PRKRIP1: variants seen among roughly 807,000 people sequenced by gnomAD.
PRKRIP1 encodes the protein PRKR interacting protein 1.
In PRKRIP1, 29 loss-of-function variants were observed where a neutral mutation model predicts 29.3. The ratio of observed to expected loss-of-function variants is 0.99; its 90% CI spans 0.74 to 1.35. PRKRIP1 has a LOEUF of 1.35. Among genes scored for constraint, PRKRIP1 ranks in the 40% most tolerant of loss-of-function variants. PRKRIP1 has a pLI of 0.00. For synonymous variants in PRKRIP1, 90 were observed against 85.1 expected (o/e 1.06, Z -0.32); for missense variants, 247 against 236.8 (o/e 1.04, Z -0.28).
chr7:102,398,388 G>A (rs59200375), intron 2 of PRKRIP1, among the ~76,000 whole-genome samples: 1 of 151,954 alleles, frequency 6.6e-6, no homozygotes, highest in South Asian at 2.1e-4. Context: ...GGGTTCAAGC[G>A]ATTCTCCTGC....
At chr7:102,419,845 T>TGTG (rs1796645239) in intron 5 of PRKRIP1, among the ~76,000 whole-genome samples, 5 of 142,820 alleles carry the variant, frequency 3.5e-5, no homozygotes, top group African/African-American at 1.4e-4. Flanking sequence ...TTTTGTGTTT[T>TGTG]TGTGTGTGTG....
rs1796608092 is a variant in PRKRIP1, at chr7:102,418,339, C to A, written c.458-6675C>A. Among the ~76,000 whole-genome samples, 7 of 152,220 alleles carry A rather than the reference C, an allele frequency of 4.6e-5. No homozygotes were observed. The South Asian group carries it at 1.5e-3, about 32-fold the overall frequency. On this transcript the variant is annotated intron_variant, in intron 5 of 5. Coordinates refer to ENST00000397912, the MANE Select transcript of PRKRIP1 (RefSeq NM_024653.4). ...TGCTGGGATTATAGGCGTGAGCCAC[C>A]ATGCCTGGTCCCTGGCTGCTTTTAG...
chr7:102,421,851 G>A (rs962149999), intron 5 of PRKRIP1, among the ~76,000 whole-genome samples: 2 of 151,902 alleles, frequency 1.3e-5, no homozygotes, highest in Non-Finnish European at 2.9e-5. Context: ...CATAGTAGGT[G>A]GGGATTGAAA....
chr7:102,407,529 CTTCT>C (rs1554572021), intron 5 of PRKRIP1, 31 bp downstream of exon 5: 20 of 1,514,448 alleles, frequency 1.3e-5, no homozygotes, highest in Non-Finnish European at 1.7e-5. Context: ...TTGGCTGTAG[CTTCT>C]TTCTTCTTGT....
At chr7:102,422,925 CG>C (rs1796734141) in intron 5 of PRKRIP1, 15 of 13,100 alleles carry the variant, frequency 1.1e-3, no homozygotes, top group Non-Finnish European at 3.4e-3. Context: ...TGGAAACATC[CG>C]AAACATCCGA....
chr7:102,422,152 T>TATTATTATA (rs1367752474), intron 5 of PRKRIP1, among the ~76,000 whole-genome samples: 35 of 134,214 alleles, frequency 2.6e-4, no homozygotes, highest in African/African-American at 8.6e-4. Flanking sequence ...AAATTATTAT[T>TATTATTATA]ATTATTATTA....
intron 5 of PRKRIP1, among the ~76,000 whole-genome samples, chr7:102,416,643 G>T (rs549376582): frequency 6.6e-6 from 1 of 151,458 alleles, no homozygotes; most frequent in South Asian, 2.1e-4. Context: ...CACACATCAG[G>T]GCATTGTACT....
At chr7:102,413,582 C>T (rs1554572749) in intron 5 of PRKRIP1, among the ~76,000 whole-genome samples, 1 of 152,182 alleles carries the variant, frequency 6.6e-6, no homozygotes, top group Non-Finnish European at 1.5e-5. Flanking sequence ...GGCAACATAG[C>T]AAGACCCTGT....
chr7:102,415,235 C>T (rs2133194210), intron 5 of PRKRIP1, among the ~76,000 whole-genome samples: 1 of 152,284 alleles, frequency 6.6e-6, no homozygotes, highest in East Asian at 1.9e-4. Flanking sequence ...CTGTGTACAG[C>T]CTCCAAAGCT....
intron 5 of PRKRIP1, among the ~76,000 whole-genome samples, chr7:102,416,379 A>G (rs1796549958): frequency 6.6e-6 from 1 of 152,234 alleles, no homozygotes; most frequent in African/African-American, 2.4e-5. Flanking sequence ...GCTGAAGTCC[A>G]TACATTATTC....
At chr7:102,401,160 A>G (rs1232683834) in intron 3 of PRKRIP1, among the ~76,000 whole-genome samples, 1 of 152,184 alleles carries the variant, frequency 6.6e-6, no homozygotes, top group African/African-American at 2.4e-5. Flanking sequence ...ATAGATGAGG[A>G]AAATGAGGCT....
At chr7:102,399,759 C>T (rs1796014737) in intron 3 of PRKRIP1, 111 bp downstream of exon 3, 4 of 815,560 alleles carry the variant, frequency 4.9e-6, no homozygotes, top group African/African-American at 1.7e-5. Flanking sequence ...GCCTGTAATC[C>T]CAGCACTTTG....
At chr7:102,404,929 ATT>A (rs551196590) in intron 4 of PRKRIP1, among the ~76,000 whole-genome samples, 18 of 142,562 alleles carry the variant, frequency 1.3e-4, no homozygotes, top group South Asian at 2.2e-4. Flanking sequence ...TCAGGTCTGT[ATT>A]TTTTTTTTTT....
At chr7:102,400,132 AAACCCCGTCTCTACTAAAAATACAG>A (rs1427544716) in intron 3 of PRKRIP1, among the ~76,000 whole-genome samples, 5 of 151,992 alleles carry the variant, frequency 3.3e-5, no homozygotes, top group Non-Finnish European at 2.9e-5. Flanking sequence ...TAAAAATACA[AAACCCCGTCTCTACTAAAAATACAG>A]AAATTAGCTG....
At position 102,418,590 on chromosome 7, in the gene PRKRIP1, A is replaced by G. The variant is rs545269226; in HGVS notation, c.458-6424A>G. ...CTGATGTCTCCAAGTCTAGCCCAGT[A>G]TGACATAGCTCATTCTAGCCTTCTC... is the stretch of plus-strand genomic sequence containing the variant. On this transcript the variant is annotated intron_variant, in intron 5 of 5. Coordinates refer to ENST00000397912, the MANE Select transcript of PRKRIP1 (RefSeq NM_024653.4). Among the ~76,000 whole-genome samples, 484 of 152,280 alleles carry G rather than the reference A, an allele frequency of 3.2e-3. 1 individual carries two copies. Among genetic ancestry groups the G allele is most frequent in the Non-Finnish European group, 4.1e-3 (281 of 68,012 alleles).
intron 5 of PRKRIP1, among the ~76,000 whole-genome samples, chr7:102,415,611 A>AATGCTTCTTACG (rs1554572999): frequency 6.6e-6 from 1 of 152,240 alleles, no homozygotes; most frequent in African/African-American, 2.4e-5. Context: ...AAGATCACGG[A>AATGCTTCTTACG]ATGCTTCTTA....
intron 5 of PRKRIP1, among the ~76,000 whole-genome samples, chr7:102,424,421 C>T (rs191020320): frequency 8.5e-4 from 130 of 152,352 alleles, no homozygotes; most frequent in African/African-American, 3.1e-3. Context: ...CCTGCTCCCG[C>T]GTGAAGAGGG....
chr7:102,403,040 A>G (rs1277964042), intron 3 of PRKRIP1, among the ~76,000 whole-genome samples: 2 of 151,804 alleles, frequency 1.3e-5, no homozygotes, highest in Non-Finnish European at 2.9e-5. Flanking sequence ...TGGCCTGGCT[A>G]ATTTTTGTGT....
intron 3 of PRKRIP1, chr7:102,404,390 A>C (rs1239188889): frequency 1.9e-6 from 1 of 534,904 alleles, no homozygotes; most frequent in East Asian, 3.0e-5. Flanking sequence ...CAACTAAAAG[A>C]GTTACTTCGC....
Sources: gnomAD v4.1 joint callset for allele counts (sites outside exome capture counted in the v4.1 genomes callset) on GRCh38, gnomAD v4.1.1 for gene constraint, MANE v1.5 for transcripts, NCBI Gene and HGNC (gene_info 2026-07-23, HGNC 2026-07-21) for gene names.